Variants in KIF25 observed in about 807,000 individuals in gnomAD.
KIF25 encodes kinesin-like protein KIF25.
KIF25 carries 19 observed loss-of-function variants against 32.9 expected under a neutral mutation model. That is an observed-to-expected ratio of 0.58 (90% CI 0.40 to 0.85). KIF25 has a LOEUF of 0.85. Among genes scored for constraint, KIF25 ranks in the 40% least tolerant of loss-of-function variants. KIF25 has a pLI of 0.00. For synonymous variants in KIF25, 225 were observed against 213.7 expected (o/e 1.05, Z -0.46); for missense variants, 485 against 507.0 (o/e 0.96, Z 0.42).
chr6:168,043,250 G>A (rs1222598458), intron 12 of KIF25, among the ~76,000 whole-genome samples: 1 of 152,144 alleles, frequency 6.6e-6, no homozygotes, highest in Non-Finnish European at 1.5e-5. Flanking sequence ...CCCCGACTCA[G>A]ACTCCAGACT....
chr6:168,007,166 T>G (rs1798590618), intron 4 of KIF25, among the ~76,000 whole-genome samples: 1 of 152,168 alleles, frequency 6.6e-6, no homozygotes, highest in Admixed American at 6.5e-5. Flanking sequence ...ATCCTAGCAC[T>G]TTGGGAGGCC....
intron 5 of KIF25, among the ~76,000 whole-genome samples, chr6:168,024,385 C>G (rs1201223292): frequency 7.3e-6 from 1 of 136,802 alleles, no homozygotes; most frequent in East Asian, 2.3e-4. Context: ...TTTGATGACT[C>G]AATTATGCAG....
At chr6:168,016,562 G>C (rs227238) in intron 4 of KIF25, among the ~76,000 whole-genome samples, 37,097 of 152,100 alleles carry the variant, frequency 0.24, 5,026 homozygotes, top group Non-Finnish European at 0.34. Flanking sequence ...TGACCTCCCA[G>C]TCTACCAAAT....
chr6:168,042,283 C>A, intron 11 of KIF25, 132 bp downstream of exon 11: 1 of 999,092 alleles, frequency 1.0e-6, no homozygotes, highest in African/African-American at 1.6e-5. Flanking sequence ...CAGGTGAGTT[C>A]CAAATCCCGT....
In KIF25 at chr6:168,042,147, C is replaced by T. The variant is rs1186171712; in HGVS notation, c.825C>T (p.Cys275=). ...TCGTGGACTCGGCCGGCAGCGAGTG[C>T]GTTGGTGAGCAGGGGCAGGCATTTC... ...LQLVDSAGSE[C]VGVSGVTGLA... is the part of the protein sequence containing the mutation. The change falls in exon 11 of 13, where the codon TGC becomes TGT. Residue 275 remains cysteine (C), a synonymous_variant. Coordinates refer to ENST00000643607, the MANE Select transcript of KIF25 (RefSeq NM_030615.4). 4 of 1,548,302 alleles carry T rather than the reference C, an allele frequency of 2.6e-6. No homozygotes were observed. Among genetic ancestry groups the T allele is most frequent in the Admixed American group, 2.0e-5 (1 of 51,000 alleles).
chr6:168,002,410 T>G (rs928509721), intron 2 of KIF25, 133 bp from the exon 3 acceptor site: 12 of 152,464 alleles, frequency 7.9e-5, no homozygotes, highest in Admixed American at 2.0e-4. Flanking sequence ...GAGGCTTCTT[T>G]CTCCTGGATG....
In KIF25 at chr6:167,998,518, G is replaced by A. The variant is rs1798453445; in HGVS notation, c.-951G>A. ...ATTTGGCAAGTTCTGAGCACATACG[G>A]AGAAGATGTGTTGCTCACTGGAAAC... On this transcript the variant is annotated 5_prime_UTR_variant, in exon 1 of 13. Coordinates refer to ENST00000643607, the MANE Select transcript of KIF25 (RefSeq NM_030615.4). 1 of 152,196 alleles carries A rather than the reference G, an allele frequency of 6.6e-6. No individual in the cohort carries two copies. Among genetic ancestry groups the A allele is most frequent in the Non-Finnish European group, 1.5e-5 (1 of 68,042 alleles). The allele number at this position is 152,196 out of a possible 1,614,324, so 9.4% of individuals were successfully genotyped here.
intron 2 of KIF25, among the ~76,000 whole-genome samples, chr6:168,000,692 A>C (rs964696815): frequency 1.5e-5 from 2 of 133,736 alleles, no homozygotes; most frequent in African/African-American, 2.9e-5. Context: ...GGCCCTCCCC[A>C]CTCCCATTGC....
At chr6:168,006,208 C>CTT (rs112107930) in intron 4 of KIF25, among the ~76,000 whole-genome samples, 1 of 142,984 alleles carries the variant, frequency 7.0e-6, no homozygotes, top group East Asian at 2.0e-4. Context: ...TATTCTATTT[C>CTT]TTTTTTTTTT....
chr6:168,027,454 C>CA lies in KIF25; in HGVS notation c.-94-2017dup, dbSNP rs757678230. Among the ~76,000 whole-genome samples, 640 of 88,520 alleles carry CA rather than the reference C, an allele frequency of 7.2e-3. 4 individuals are homozygous for CA. The highest frequency in any genetic ancestry group is 0.01 in the Non-Finnish European group (451 of 43,116). 58.1% of individuals were successfully genotyped at this position (88,520 alleles called of 152,430 possible). A position where few individuals can be genotyped will look rare whatever the true frequency, so the allele number is the denominator to read the frequency against. On this transcript the variant is annotated intron_variant, in intron 5 of 12. Transcript: ENST00000643607. ...GGGCGACAGAGCAAGACTCTGTCTC[C>CA]AAAAAAAAAAAAAAAAAAAAAGAGA...
chr6:168,030,762 T>C lies in KIF25; in HGVS notation c.93-11T>C, dbSNP rs754246982. On this transcript the variant is annotated splice_polypyrimidine_tract_variant and intron_variant, in intron 6 of 12. Coordinates refer to ENST00000643607, the MANE Select transcript of KIF25 (RefSeq NM_030615.4). Reference sequence around the variant, plus strand: ...CTTCTATTAATACAGCATTTTCACTTTGTCTCTCAGGGTTTATGGTCCAGC... The same window carrying C: ...CTTCTATTAATACAGCATTTTCACTCTGTCTCTCAGGGTTTATGGTCCAGC... The C allele has an allele frequency of 6.2e-7, 1 of 1,603,486 alleles. No homozygotes were observed. The highest frequency in any genetic ancestry group is 1.1e-5 in the South Asian group (1 of 89,292).
chr6:168,025,652 C>G (rs115295433), intron 5 of KIF25, among the ~76,000 whole-genome samples: 1,599 of 152,238 alleles, frequency 0.011, 30 homozygotes, highest in African/African-American at 0.037. Flanking sequence ...AGCACGTGGC[C>G]TATTGATAAA....
At chr6:168,027,548 G>C (rs940145633) in intron 5 of KIF25, among the ~76,000 whole-genome samples, 1 of 151,502 alleles carries the variant, frequency 6.6e-6, no homozygotes, top group South Asian at 2.1e-4. Flanking sequence ...TGAAGAAAAA[G>C]AATGAGAATG....
intron 3 of KIF25, among the ~76,000 whole-genome samples, chr6:168,003,117 C>T (rs1274753634): frequency 6.6e-6 from 1 of 152,138 alleles, no homozygotes; most frequent in East Asian, 1.9e-4. Flanking sequence ...GGATTTGGGA[C>T]CCTTGTTCTG....
At chr6:168,019,920 G>A (rs538884024) in intron 5 of KIF25, among the ~76,000 whole-genome samples, 2 of 152,244 alleles carry the variant, frequency 1.3e-5, no homozygotes, top group East Asian at 3.9e-4. Flanking sequence ...GGCTCACGAG[G>A]TCAAGAGATC....
intron 5 of KIF25, among the ~76,000 whole-genome samples, chr6:168,028,299 C>T (rs994483293): frequency 3.3e-5 from 5 of 152,260 alleles, no homozygotes; most frequent in Middle Eastern, 3.4e-3. Context: ...ATCTGTCCAC[C>T]TTGGCCTCCC....
intron 7 of KIF25, among the ~76,000 whole-genome samples, chr6:168,033,047 TAG>T (rs1798962737): frequency 1.3e-5 from 2 of 152,298 alleles, no homozygotes; most frequent in South Asian, 2.1e-4. Context: ...GGGATGTTGG[TAG>T]TTAACTTCTC....
intron 6 of KIF25, 106 bp from the exon 7 acceptor site, chr6:168,030,667 G>A: frequency 1.4e-6 from 1 of 724,876 alleles, no homozygotes; most frequent in Non-Finnish European, 2.4e-6. Flanking sequence ...TGGCGTTGGG[G>A]GGATGGGAAG....
chr6:168,041,070 A>G (rs1423314256), intron 10 of KIF25, among the ~76,000 whole-genome samples: 1 of 152,130 alleles, frequency 6.6e-6, no homozygotes, highest in Non-Finnish European at 1.5e-5. Flanking sequence ...CGGGGACCAC[A>G]CCTGGAGAGC....
Sources: gnomAD v4.1 joint callset for allele counts (sites outside exome capture counted in the v4.1 genomes callset) on GRCh38, gnomAD v4.1.1 for gene constraint, MANE v1.5 for transcripts, NCBI Gene and HGNC (gene_info 2026-07-23, HGNC 2026-07-21) for gene names.